CTNNA2: variants seen among roughly 807,000 people sequenced by gnomAD.
CTNNA2 encodes the protein catenin alpha-2.
CTNNA2 carries 42 observed loss-of-function variants against 101.0 expected under a neutral mutation model. That is an observed-to-expected ratio of 0.42 (90% CI 0.32 to 0.54). The LOEUF (loss-of-function observed/expected upper bound fraction) is 0.54, where lower values mean the gene tolerates loss of function less well. CTNNA2 is among the 20% of genes least tolerant of loss of function. CTNNA2 has a pLI of 0.14. For missense variants in CTNNA2, 871 were observed against 1,223.1 expected (o/e 0.71, Z 4.29); for synonymous variants, 450 against 456.4 (o/e 0.99, Z 0.18).
intron 7 of CTNNA2, among the ~76,000 whole-genome samples, chr2:80,262,011 G>A: frequency 6.6e-6 from 1 of 152,046 alleles, no homozygotes; most frequent in East Asian, 1.9e-4. Context: ...AGTGCAATAA[G>A]AAGTTAAATT....
intron 12 of CTNNA2, among the ~76,000 whole-genome samples, chr2:80,557,151 G>A (rs977691776): frequency 3.3e-5 from 5 of 152,146 alleles, no homozygotes; most frequent in Admixed American, 2.0e-4. Flanking sequence ...CACATCTAGA[G>A]ACTGTTGCCC....
chr2:79,910,728 G>GTTA (rs1685731378), intron 7 of CTNNA2, among the ~76,000 whole-genome samples: 1 of 152,182 alleles, frequency 6.6e-6, no homozygotes, highest in Non-Finnish European at 1.5e-5. Context: ...TGAAGTCCAT[G>GTTA]TTAGGTATTA....
At chr2:80,350,379 A>T in intron 7 of CTNNA2, among the ~76,000 whole-genome samples, 1 of 152,194 alleles carries the variant, frequency 6.6e-6, no homozygotes, top group East Asian at 1.9e-4. Context: ...AAACTGTGCC[A>T]TCATTTAGAT....
At chr2:80,419,406 T>C in intron 8 of CTNNA2, 43 bp from the exon 9 acceptor site, 1 of 1,545,666 alleles carries the variant, frequency 6.5e-7, no homozygotes, top group Non-Finnish European at 8.9e-7. Flanking sequence ...AATTATACTA[T>C]TTCTTAATTG....
chr2:79,549,844 T>A (rs977859596), intron 1 of CTNNA2, among the ~76,000 whole-genome samples: 1 of 152,218 alleles, frequency 6.6e-6, no homozygotes, highest in Non-Finnish European at 1.5e-5. Context: ...GTTTTTGATA[T>A]ACTATTTTGA....
intron 16 of CTNNA2, chr2:80,605,743 A>G (rs1697949118): frequency 6.6e-6 from 1 of 151,936 alleles, no homozygotes; most frequent in Non-Finnish European, 1.5e-5. Flanking sequence ...GAGTCAACGA[A>G]TTCTCATTTT....
At chr2:79,687,248 T>C (rs1683991916) in intron 2 of CTNNA2, among the ~76,000 whole-genome samples, 1 of 152,116 alleles carries the variant, frequency 6.6e-6, no homozygotes, top group Non-Finnish European at 1.5e-5. Context: ...GGTGGCAGTT[T>C]TCTTTATTAA....
At chr2:80,461,541 T>G (rs2149472751) in intron 9 of CTNNA2, among the ~76,000 whole-genome samples, 1 of 152,358 alleles carries the variant, frequency 6.6e-6, no homozygotes, top group East Asian at 1.9e-4. Context: ...TTATCATGCC[T>G]TAACTAGTGT....
At chr2:80,450,544 C>A (rs557622795) in intron 9 of CTNNA2, among the ~76,000 whole-genome samples, 31 of 152,254 alleles carry the variant, frequency 2.0e-4, no homozygotes, top group African/African-American at 7.0e-4. Flanking sequence ...GTAGTAATTA[C>A]CCTTGTCTGG....
intron 4 of CTNNA2, among the ~76,000 whole-genome samples, chr2:79,375,153 C>A (rs1411477246): frequency 6.6e-6 from 1 of 152,136 alleles, no homozygotes; most frequent in African/African-American, 2.4e-5. Flanking sequence ...GCAATCAGGG[C>A]AGCTGTGGAT....
chr2:80,291,763 G>A (rs1421944610), intron 7 of CTNNA2, among the ~76,000 whole-genome samples: 1 of 152,178 alleles, frequency 6.6e-6, no homozygotes, highest in Non-Finnish European at 1.5e-5. Context: ...CACATCACCA[G>A]AAGGCCCTTG....
At chr2:79,576,776 A>T (rs1012522960) in intron 1 of CTNNA2, among the ~76,000 whole-genome samples, 15 of 152,184 alleles carry the variant, frequency 9.9e-5, no homozygotes, top group Middle Eastern at 3.2e-3. Context: ...TTATGCATTT[A>T]CAATGTATTT....
intron 7 of CTNNA2, among the ~76,000 whole-genome samples, chr2:80,100,077 C>A (rs894410450): frequency 1.3e-5 from 2 of 151,904 alleles, no homozygotes; most frequent in African/African-American, 2.4e-5. Context: ...TTACAGGTGC[C>A]TGCCCCTATG....
At chr2:79,717,345 G>A (rs927603152) in intron 2 of CTNNA2, among the ~76,000 whole-genome samples, 1 of 152,176 alleles carries the variant, frequency 6.6e-6, no homozygotes, top group Non-Finnish European at 1.5e-5. Flanking sequence ...TTTGTTAGGT[G>A]TCCTTCGACT....
At chr2:79,591,776 T>C (rs1189169072) in intron 1 of CTNNA2, among the ~76,000 whole-genome samples, 4 of 152,168 alleles carry the variant, frequency 2.6e-5, no homozygotes, top group African/African-American at 9.7e-5. Context: ...TTCTGAAATC[T>C]AATCTGTGTC....
At chr2:80,227,396 A>T (rs1708949128) in intron 7 of CTNNA2, among the ~76,000 whole-genome samples, 2 of 152,216 alleles carry the variant, frequency 1.3e-5, no homozygotes, top group Admixed American at 1.3e-4. Flanking sequence ...TCATTTATAG[A>T]TGAAGCACTG....
chr2:80,615,288 C>G (rs1033903545), intron 17 of CTNNA2, among the ~76,000 whole-genome samples: 1 of 151,396 alleles, frequency 6.6e-6, no homozygotes, highest in Non-Finnish European at 1.5e-5. Flanking sequence ...TTCCATAAGT[C>G]GTTTCTAATT....
intron 7 of CTNNA2, among the ~76,000 whole-genome samples, chr2:79,953,577 C>A (rs948452301): frequency 6.6e-6 from 1 of 152,200 alleles, no homozygotes; most frequent in African/African-American, 2.4e-5. Context: ...TCTAAGTCCA[C>A]TGGTGAAGTA....
intron 7 of CTNNA2, among the ~76,000 whole-genome samples, chr2:80,311,442 G>A (rs1677580256): frequency 6.6e-6 from 1 of 152,074 alleles, no homozygotes; most frequent in African/African-American, 2.4e-5. Flanking sequence ...GTCTGCCTTT[G>A]TTTATTATGC....
Sources: gnomAD v4.1 joint callset for allele counts (sites outside exome capture counted in the v4.1 genomes callset) on GRCh38, gnomAD v4.1.1 for gene constraint, MANE v1.5 for transcripts, NCBI Gene and HGNC (gene_info 2026-07-23, HGNC 2026-07-21) for gene names.